The following PCDHA11 variants were observed in gnomAD, a reference collection of about 807,000 sequenced individuals.
The protein encoded by PCDHA11 is protocadherin alpha 11, also known as protocadherin alpha-11.
PCDHA11 carries 61 observed loss-of-function variants against 70.3 expected under a neutral mutation model. That is an observed-to-expected ratio of 0.87 (90% CI 0.71 to 1.07). The LOEUF is 1.07. PCDHA11 is among the 50% of genes least tolerant of loss of function. The pLI is 0.00. For missense variants in PCDHA11, 1,324 were observed against 1,237.5 expected, an observed-to-expected ratio of 1.07 and a Z score of -1.05; for synonymous variants, 633 against 555.1, an observed-to-expected ratio of 1.14 and a Z score of -1.97.
In PCDHA11 at chr5:140,947,454, C is replaced by G. The variant is rs138457341; in HGVS notation, c.2392-31495C>G. 3.0e-4 allele frequency among the ~76,000 whole-genome samples: 45 copies of G among 151,700 alleles called. No individual in the cohort carries two copies. In the East Asian group the frequency reaches 8.3e-3, roughly 28 times the overall value. On this transcript the variant is annotated intron_variant, in intron 1 of 3. Coordinates refer to ENST00000398640, the MANE Select transcript of PCDHA11 (RefSeq NM_018902.5). ...AAAATCAGCTGTGAAATCCTCCAACCTTGTTCTACTTGTAAACATTGTTTT... is the reference window on the plus strand; with the variant it reads ...AAAATCAGCTGTGAAATCCTCCAACGTTGTTCTACTTGTAAACATTGTTTT...
chr5:140,870,908 A>G lies in PCDHA11; in HGVS notation c.1805A>G (p.Tyr602Cys). ...KVRAVDADSG[Y>C]NAWLSYELQP... is the part of the protein sequence containing the mutation. Reference sequence around the variant, plus strand: ...CGCGCAGTGGATGCGGACTCAGGCTACAACGCGTGGCTTTCATATGAATTG... The same window carrying G: ...CGCGCAGTGGATGCGGACTCAGGCTGCAACGCGTGGCTTTCATATGAATTG... The change falls in exon 1 of 4, where the codon TAC becomes TGC. Residue 602 changes from tyrosine to cysteine, a missense_variant. Transcript: ENST00000398640. 1 of 1,613,928 alleles carries G rather than the reference A, an allele frequency of 6.2e-7. No individual in the cohort carries two copies. Among genetic ancestry groups the G allele is most frequent in the Non-Finnish European group, 8.5e-7 (1 of 1,179,894 alleles).
At chr5:140,919,525 T>G (rs2079174631) in intron 1 of PCDHA11, among the ~76,000 whole-genome samples, 1 of 152,196 alleles carries the variant, frequency 6.6e-6, no homozygotes, top group Non-Finnish European at 1.5e-5. Context: ...TAATTCTCTT[T>G]TTTTCCTATA....
intron 1 of PCDHA11, among the ~76,000 whole-genome samples, chr5:140,917,338 G>GGTGGGGGGGGGGGGGGGGGGC (rs2078134893): frequency 7.3e-6 from 1 of 137,894 alleles, no homozygotes; most frequent in Non-Finnish European, 1.6e-5. Flanking sequence ...GGAGGGGGGG[G>GGTGGGGGGGGGGGGGGGGGGC]ATGGTGTAGG....
intron 1 of PCDHA11, chr5:140,930,104 G>T (rs532818002): frequency 6.6e-6 from 1 of 152,210 alleles, no homozygotes; most frequent in Non-Finnish European, 1.5e-5. Flanking sequence ...ACTGATAGGA[G>T]ATCATATTGT....
intron 1 of PCDHA11, among the ~76,000 whole-genome samples, chr5:140,945,037 T>C (rs2093728945): frequency 6.6e-6 from 1 of 152,178 alleles, no homozygotes; most frequent in Non-Finnish European, 1.5e-5. Context: ...TAATTATCTT[T>C]GGTCTTATAT....
chr5:140,974,544 T>C (rs1393611069), intron 1 of PCDHA11, among the ~76,000 whole-genome samples: 1 of 152,232 alleles, frequency 6.6e-6, no homozygotes, highest in Non-Finnish European at 1.5e-5. Context: ...GGAGTTTTGC[T>C]CTTGTTGCCC....
chr5:140,945,539 A>G (rs1233256432), intron 1 of PCDHA11, among the ~76,000 whole-genome samples: 1 of 152,052 alleles, frequency 6.6e-6, no homozygotes, highest in Non-Finnish European at 1.5e-5. Flanking sequence ...AAACATACAA[A>G]CAAAAAAATG....
intron 1 of PCDHA11, among the ~76,000 whole-genome samples, chr5:140,875,040 T>C (rs1369679625): frequency 2.0e-5 from 3 of 152,340 alleles, no homozygotes; most frequent in Admixed American, 2.0e-4. Flanking sequence ...ATTTGAAAGA[T>C]TTCTACTTTG....
intron 1 of PCDHA11, among the ~76,000 whole-genome samples, chr5:140,953,471 C>T (rs554082808): frequency 3.9e-5 from 6 of 152,074 alleles, no homozygotes; most frequent in Non-Finnish European, 7.4e-5. Flanking sequence ...TTTTAACTTC[C>T]TCATGCTGTG....
chr5:140,967,576 A>T (rs2096159229), intron 1 of PCDHA11: 1 of 1,613,838 alleles, frequency 6.2e-7, no homozygotes, highest in African/African-American at 1.3e-5. Context: ...GGGAGGACTC[A>T]CCCCCAGGCA....
chr5:141,005,164 G>A (rs782398186), intron 3 of PCDHA11, among the ~76,000 whole-genome samples: 2 of 152,178 alleles, frequency 1.3e-5, no homozygotes, highest in Non-Finnish European at 2.9e-5. Context: ...TAAAGAGTGG[G>A]TACCACTTTC....
At chr5:140,967,489 A>G in intron 1 of PCDHA11, 4 of 1,613,456 alleles carry the variant, frequency 2.5e-6, no homozygotes, top group Non-Finnish European at 3.4e-6. Flanking sequence ...CGGGTACGGC[A>G]CAGATCTCTG....
In PCDHA11 at chr5:140,870,386, A is replaced by G. The variant is rs1209102528; in HGVS notation, c.1283A>G (p.Asp428Gly). 6.2e-7 allele frequency: 1 copy of G among 1,614,082 alleles called. No individual in the cohort carries two copies. Among genetic ancestry groups the G allele is most frequent in the Middle Eastern group, 1.6e-4 (1 of 6,062 alleles). ...TATGAACTGGTGGTGACTGCGCGGG[A>G]TGGGGGTTCGCCTTCTCTGTGGGCC... ...WAYELVVTARDGGSPSLWATA... is the reference protein window; with the variant it reads ...WAYELVVTARGGGSPSLWATA... The change falls in exon 1 of 4, where the codon GAT (aspartate) becomes GGT (glycine). Residue 428 changes from aspartate to glycine, a missense_variant. Transcript: ENST00000398640.
In PCDHA11 at chr5:140,927,334, G is replaced by A. The variant is rs201745433; in HGVS notation, c.2392-51615G>A. The A allele has an allele frequency of 4.6e-5, 74 of 1,614,180 alleles. No individual in the cohort carries two copies. Among genetic ancestry groups the A allele is most frequent in the Non-Finnish European group, 5.9e-5 (70 of 1,180,032 alleles). ...CGGAGCCCGCTTTACTCTCCCGAAT[G>A]CCCAAGATGACGACGAGGGAAGCAA... On this transcript the variant is annotated intron_variant, in intron 1 of 3. Transcript: ENST00000398640.
At chr5:140,940,194 G>T (rs1455968152) in intron 1 of PCDHA11, among the ~76,000 whole-genome samples, 4 of 152,118 alleles carry the variant, frequency 2.6e-5, no homozygotes, top group East Asian at 1.9e-4. Context: ...TTTTACATGG[G>T]TGTAAAATTC....
intron 1 of PCDHA11, chr5:140,928,635 A>T (rs148091714): frequency 1.6e-4 from 258 of 1,614,104 alleles, no homozygotes; most frequent in Non-Finnish European, 2.1e-4. Flanking sequence ...ACTTGGTCAC[A>T]AAAGTGGTAG....
chr5:140,979,619 G>A (rs1344525241), intron 2 of PCDHA11, among the ~76,000 whole-genome samples: 1 of 152,164 alleles, frequency 6.6e-6, no homozygotes, highest in African/African-American at 2.4e-5. Context: ...AACGGTATTA[G>A]TCTAAGACTC....
At chr5:140,948,253 A>C (rs782144804) in intron 1 of PCDHA11, among the ~76,000 whole-genome samples, 14 of 151,624 alleles carry the variant, frequency 9.2e-5, no homozygotes, top group Admixed American at 2.6e-4. Flanking sequence ...ATATTTTTAC[A>C]TCTGTGTTCA....
At position 140,870,671 on chromosome 5, in the gene PCDHA11, A is replaced by T; in HGVS notation, c.1568A>T (p.Asp523Val). 6.2e-7 allele frequency: 1 copy of T among 1,612,606 alleles called. No homozygotes were observed. The highest frequency in any genetic ancestry group is 8.5e-7 in the Non-Finnish European group (1 of 1,179,772). The change falls in exon 1 of 4, where the codon GAC (aspartate) becomes GTC (valine). Residue 523 changes from aspartate (D) to valine (V), a missense_variant. Transcript: ENST00000398640. ...AAGGTGTACGCGCTGCAGCCGTTGG[A>T]CCACGAGGAGCTGGAGCTGCTACAG... The part of the protein sequence containing the change: ...SGKVYALQPL[D>V]HEELELLQFQ...
Sources: gnomAD v4.1 joint callset for allele counts (sites outside exome capture counted in the v4.1 genomes callset) on GRCh38, gnomAD v4.1.1 for gene constraint, MANE v1.5 for transcripts, NCBI Gene and HGNC (gene_info 2026-07-23, HGNC 2026-07-21) for gene names.